Variants in MLPH observed in about 807,000 individuals in gnomAD.
The protein encoded by MLPH is exophilin-3.
Under a neutral mutation model 72.1 loss-of-function variants are expected in MLPH, and 51 were observed. The ratio of observed to expected loss-of-function variants is 0.71; its 90% CI spans 0.56 to 0.89. MLPH has a LOEUF of 0.89. Ranked by LOEUF, MLPH falls within the 40% of genes least tolerant of loss-of-function variation. MLPH has a pLI of 0.00. For synonymous variants in MLPH, 301 were observed against 310.1 expected, an observed-to-expected ratio of 0.97 and a Z score of 0.31; for missense variants, 743 against 759.9, an observed-to-expected ratio of 0.98 and a Z score of 0.26.
intron 9 of MLPH, chr2:237,537,794 T>C (rs2080569168): frequency 6.6e-6 from 1 of 152,250 alleles, no homozygotes; most frequent in Non-Finnish European, 1.5e-5. Flanking sequence ...AGCAACTTCC[T>C]GGTGGAGGCA....
intron 9 of MLPH, among the ~76,000 whole-genome samples, chr2:237,534,921 G>C (rs1574885884): frequency 6.6e-6 from 1 of 152,138 alleles, no homozygotes; most frequent in East Asian, 1.9e-4. Context: ...CCTTCCCAGG[G>C]GACATAACTG....
rs1261321712 is a variant in MLPH, at chr2:237,552,442, A to G, written c.1776+5A>G. Reference sequence around the variant, plus strand: ...ATGGCCAGCCACACCTTCGCGGTAAAGTTTTCTCTCATTCTCTGAGGAGTT... The same window carrying G: ...ATGGCCAGCCACACCTTCGCGGTAAGGTTTTCTCTCATTCTCTGAGGAGTT... On this transcript the variant is annotated splice_donor_5th_base_variant and intron_variant, in intron 15 of 15. Coordinates refer to ENST00000264605, the MANE Select transcript of MLPH (RefSeq NM_024101.7). 2 of 1,613,216 alleles carry G rather than the reference A, an allele frequency of 1.2e-6. No homozygotes were observed. Among genetic ancestry groups the G allele is most frequent in the South Asian group, 2.2e-5 (2 of 91,060 alleles).
rs527341488 is a variant in MLPH, at chr2:237,518,120, AT to A, written c.446-418del. The stretch of plus-strand genomic sequence containing the variant: ...TGATGAGTGGGTGGATGAAGGAGGG[AT>A]GGAGGGATGGATGGATGGATGGGTG... On this transcript the variant is annotated intron_variant, in intron 4 of 15. Coordinates refer to ENST00000264605, the MANE Select transcript of MLPH (RefSeq NM_024101.7). 339 of 325,384 alleles carry A rather than the reference AT, an allele frequency of 1.0e-3. 2 individuals carry two copies. Among genetic ancestry groups the A allele is most frequent in the Middle Eastern group, 2.2e-3 (2 of 904 alleles). The allele number at this position is 325,384 out of a possible 1,614,324, so 20.2% of individuals were successfully genotyped here. A position where few individuals can be genotyped will look rare whatever the true frequency, so the allele number is the denominator to read the frequency against.
intron 2 of MLPH, among the ~76,000 whole-genome samples, chr2:237,496,633 A>G (rs1050061625): frequency 3.3e-5 from 5 of 152,134 alleles, no homozygotes; most frequent in African/African-American, 9.7e-5. Context: ...CCGAGGTCAC[A>G]TTGTTCATTC....
chr2:237,508,121 C>A (rs976061417), intron 2 of MLPH, among the ~76,000 whole-genome samples: 1 of 151,652 alleles, frequency 6.6e-6, no homozygotes, highest in African/African-American at 2.4e-5. Flanking sequence ...ATTTCTTTTT[C>A]TTTTTTTTGA....
chr2:237,545,507 A>T (rs1418554199), intron 12 of MLPH: 2 of 1,287,566 alleles, frequency 1.6e-6, no homozygotes. Flanking sequence ...TGAAACACAC[A>T]CACCCTGACA....
At chr2:237,492,995 C>T (rs146889886) in intron 1 of MLPH, among the ~76,000 whole-genome samples, 1 of 152,262 alleles carries the variant, frequency 6.6e-6, no homozygotes, top group East Asian at 1.9e-4. Flanking sequence ...TGTGCTGTTC[C>T]CTCTCCCAAG....
At chr2:237,497,202 G>A (rs998488954) in intron 2 of MLPH, among the ~76,000 whole-genome samples, 12 of 152,196 alleles carry the variant, frequency 7.9e-5, no homozygotes, top group East Asian at 1.9e-4. Context: ...GAGCTCAGGC[G>A]GGAAATGCTC....
At chr2:237,548,635 G>A (rs1398803727) in intron 13 of MLPH, among the ~76,000 whole-genome samples, 3 of 152,188 alleles carry the variant, frequency 2.0e-5, no homozygotes, top group East Asian at 1.9e-4. Context: ...TTGGGAGGCC[G>A]AGGTGGGCGG....
intron 6 of MLPH, among the ~76,000 whole-genome samples, chr2:237,523,863 T>A (rs567229522): frequency 6.6e-6 from 1 of 152,176 alleles, no homozygotes; most frequent in Non-Finnish European, 1.5e-5. Flanking sequence ...TAAGATTTGC[T>A]AGAAGTCATC....
rs1254523906 is a variant in MLPH, at chr2:237,493,585, C to T, written c.110+49C>T. 3 of 1,446,118 alleles carry T rather than the reference C, an allele frequency of 2.1e-6. No individual in the cohort carries two copies. The Admixed American group carries it at 5.0e-5, about 24-fold the overall frequency. The allele number at this position is 1,446,118 out of a possible 1,614,324, so 89.6% of individuals were successfully genotyped here. ...CGGAGCCCGGGGTCCCTGATCTTCC[C>T]CCAGGGCCATCATATGGGTGCTGTC... On this transcript the variant is annotated intron_variant, in intron 2 of 15. Coordinates refer to ENST00000264605, the MANE Select transcript of MLPH (RefSeq NM_024101.7).
At chr2:237,553,003 G>C (rs572150127) in intron 15 of MLPH, 16 of 443,378 alleles carry the variant, frequency 3.6e-5, no homozygotes, top group Admixed American at 2.5e-5. Flanking sequence ...GAGCAGGCTA[G>C]AGCCAGTGGC....
chr2:237,524,911 G>A (rs2080269584), intron 6 of MLPH, among the ~76,000 whole-genome samples: 1 of 152,208 alleles, frequency 6.6e-6, no homozygotes, highest in African/African-American at 2.4e-5. Context: ...CAGGAGGAGG[G>A]GGAAGCAGGG....
At position 237,493,413 on chromosome 2, in the gene MLPH, G is replaced by A. The variant is rs576786673; in HGVS notation, c.-14G>A. 163 of 1,608,752 alleles carry A rather than the reference G, an allele frequency of 1.0e-4. No homozygotes were observed. The highest frequency in any genetic ancestry group is 1.8e-4 in the South Asian group (16 of 90,934). On this transcript the variant is annotated 5_prime_UTR_variant, in exon 2 of 16. Transcript: ENST00000264605. ...CCTGTGACATTCCAGGTGTGACCCC[G>A]ACAAGAAGCAGAAATGGGGAAGAAA...
chr2:237,552,006 GA>G (rs1044819351), intron 14 of MLPH: 4 of 204,778 alleles, frequency 2.0e-5, no homozygotes, highest in Non-Finnish European at 3.9e-5. Context: ...GAACAAAAAA[GA>G]AAAGAAAGTC....
chr2:237,514,442 G>A (rs1053338406), intron 4 of MLPH, among the ~76,000 whole-genome samples: 1 of 152,104 alleles, frequency 6.6e-6, no homozygotes, highest in Non-Finnish European at 1.5e-5. Context: ...AAAAGTAGAG[G>A]GAAAGAGTGA....
intron 5 of MLPH, 83 bp downstream of exon 5, chr2:237,518,731 C>T (rs1233528564): frequency 2.0e-6 from 2 of 1,018,604 alleles, no homozygotes; most frequent in Non-Finnish European, 3.0e-6. Context: ...TTCCTGAAAA[C>T]CTTGATGGCC....
intron 8 of MLPH, among the ~76,000 whole-genome samples, chr2:237,530,563 T>G (rs1361051039): frequency 6.6e-6 from 1 of 152,170 alleles, no homozygotes; most frequent in Non-Finnish European, 1.5e-5. Context: ...GGAAGCTTCC[T>G]CAACCCTGGG....
intron 2 of MLPH, among the ~76,000 whole-genome samples, chr2:237,497,093 A>G (rs1170536431): frequency 6.6e-6 from 1 of 152,220 alleles, no homozygotes; most frequent in Non-Finnish European, 1.5e-5. Context: ...CGTTCTCATA[A>G]GGAGCACACA....
Sources: gnomAD v4.1 joint callset for allele counts (sites outside exome capture counted in the v4.1 genomes callset) on GRCh38, gnomAD v4.1.1 for gene constraint, MANE v1.5 for transcripts, NCBI Gene and HGNC (gene_info 2026-07-23, HGNC 2026-07-21) for gene names.